The following EVL variants were observed in gnomAD, a reference collection of about 807,000 sequenced individuals.
The protein encoded by EVL is ena/VASP-like protein.
Under a neutral mutation model 59.6 loss-of-function variants are expected in EVL, and 21 were observed. The ratio of observed to expected loss-of-function variants is 0.35; its 90% CI spans 0.25 to 0.51. The LOEUF is 0.51. Among genes scored for constraint, EVL ranks in the 20% least tolerant of loss-of-function variants. The probability of loss-of-function intolerance (pLI) is 0.97; values close to 1 mark genes in which losing one functional copy is unlikely to be tolerated. For synonymous variants in EVL, 198 were observed against 203.5 expected (o/e 0.97, Z 0.23); for missense variants, 462 against 546.6 (o/e 0.85, Z 1.54).
chr14:100,051,214 C>T (rs910586899), intron 1 of EVL, among the ~76,000 whole-genome samples: 3 of 152,106 alleles, frequency 2.0e-5, no homozygotes, highest in Admixed American at 2.0e-4. Flanking sequence ...CATGATGAAA[C>T]CTTGCACTGT....
At chr14:100,137,978 C>T (rs533871973) in intron 11 of EVL, 176 bp downstream of exon 11, 12 of 637,098 alleles carry the variant, frequency 1.9e-5, no homozygotes, top group African/African-American at 5.5e-5. Context: ...TCAGCTGCTC[C>T]GTCTTTTCCC....
At chr14:100,076,772 C>T (rs2062171529) in intron 1 of EVL, among the ~76,000 whole-genome samples, 1 of 152,084 alleles carries the variant, frequency 6.6e-6, no homozygotes, top group South Asian at 2.1e-4. Flanking sequence ...TGCATTTCCA[C>T]AAGACTAAGC....
chr14:100,056,941 G>A (rs963489908), intron 1 of EVL, among the ~76,000 whole-genome samples: 1 of 152,164 alleles, frequency 6.6e-6, no homozygotes, highest in Non-Finnish European at 1.5e-5. Flanking sequence ...CTTCCTAAAG[G>A]GTAATGCTCT....
At chr14:100,011,463 T>C (rs1342674203) in intron 1 of EVL, among the ~76,000 whole-genome samples, 1 of 152,244 alleles carries the variant, frequency 6.6e-6, no homozygotes, top group Non-Finnish European at 1.5e-5. Context: ...AAATGAAACA[T>C]TAACCAGTTT....
chr14:100,011,293 G>A (rs1349007583), intron 1 of EVL, among the ~76,000 whole-genome samples: 2 of 152,134 alleles, frequency 1.3e-5, no homozygotes, highest in Non-Finnish European at 2.9e-5. Flanking sequence ...CCTGGAGAAG[G>A]TAATTATTTG....
chr14:100,094,242 G>A (rs922104689), intron 2 of EVL, among the ~76,000 whole-genome samples: 13 of 152,264 alleles, frequency 8.5e-5, no homozygotes, highest in Admixed American at 3.3e-4. Context: ...TAAAAAGAGC[G>A]GATTGAGTTA....
rs2062399184 is a variant in EVL, at chr14:100,084,702, C to T, written c.27C>T (p.Cys9=). 1 of 1,614,082 alleles carries T rather than the reference C, an allele frequency of 6.2e-7. No individual in the cohort carries two copies. Residue 9 remains cysteine (C), a synonymous_variant, in exon 2 of 14, where the codon TGC becomes TGT. Transcript: ENST00000392920. The part of the protein sequence containing the change: MATSEQSI[C]QARASVMVYD... ...TGCTCGGCAGTGAACAGAGTATCTG[C>T]CAAGCCCGGGCTTCCGTGATGGTCT...
At chr14:99,982,346 A>G (rs1405006027) in intron 1 of EVL, among the ~76,000 whole-genome samples, 1 of 152,240 alleles carries the variant, frequency 6.6e-6, no homozygotes, top group African/African-American at 2.4e-5. Context: ...ATGGTATACT[A>G]TAATTTATTC....
At chr14:100,094,496 C>T (rs1885665409) in intron 2 of EVL, among the ~76,000 whole-genome samples, 1 of 152,106 alleles carries the variant, frequency 6.6e-6, no homozygotes, top group Admixed American at 6.6e-5. Context: ...AATCCCAGCA[C>T]TTTGGGAGGC....
intron 1 of EVL, among the ~76,000 whole-genome samples, chr14:100,057,022 G>C (rs910770745): frequency 6.6e-6 from 1 of 152,132 alleles, no homozygotes; most frequent in Non-Finnish European, 1.5e-5. Flanking sequence ...TCTCTATCCT[G>C]GGGGCTCAGT....
In EVL at chr14:100,143,736, T is replaced by C; in HGVS notation, c.1255T>C (p.Ter419GlnextTer41). The part of the protein sequence containing the change: ...RQELSGISTT[*>Q] ...GGAGCTGAGTGGGATCAGCACCACG[T>C]AAGGGGCCGGCCTCGCTGCGCTGAT... The change falls in exon 14 of 14, where the codon TAA becomes CAA. Residue 419 changes from the stop codon to glutamine (Q), a stop_lost. Coordinates refer to ENST00000392920, the MANE Select transcript of EVL (RefSeq NM_016337.3). The C allele has an allele frequency of 1.2e-6, 2 of 1,612,372 alleles. No homozygotes were observed. Among genetic ancestry groups the C allele is most frequent in the Non-Finnish European group, 1.7e-6 (2 of 1,179,858 alleles).
chr14:100,045,480 G>A (rs925798198), intron 1 of EVL, among the ~76,000 whole-genome samples: 1 of 152,178 alleles, frequency 6.6e-6, no homozygotes, highest in Non-Finnish European at 1.5e-5. Context: ...TGTTTGTTAG[G>A]TGAAGAACTC....
At chr14:100,069,089 G>A (rs889064770) in intron 1 of EVL, among the ~76,000 whole-genome samples, 6 of 152,212 alleles carry the variant, frequency 3.9e-5, no homozygotes, top group Admixed American at 6.5e-5. Flanking sequence ...AGGGATTTTC[G>A]CCTATTTTGT....
At chr14:100,097,763 G>A (rs1885921043) in intron 3 of EVL, 105 bp downstream of exon 3, 2 of 1,085,236 alleles carry the variant, frequency 1.8e-6, no homozygotes, top group East Asian at 5.0e-5. Flanking sequence ...TCACTGCATT[G>A]AGCTGAGGTT....
chr14:100,053,499 A>G (rs2061679003), intron 1 of EVL, among the ~76,000 whole-genome samples: 1 of 152,068 alleles, frequency 6.6e-6, no homozygotes, highest in South Asian at 2.1e-4. Flanking sequence ...TCATAGAGTA[A>G]CACCCTATAC....
chr14:100,071,793 A>C (rs2062053434), intron 1 of EVL, among the ~76,000 whole-genome samples: 1 of 152,172 alleles, frequency 6.6e-6, no homozygotes, highest in Non-Finnish European at 1.5e-5. Context: ...TGCAGGCGTC[A>C]CTTGAACTAA....
At chr14:99,994,532 G>T (rs2060899618) in intron 1 of EVL, among the ~76,000 whole-genome samples, 1 of 150,634 alleles carries the variant, frequency 6.6e-6, no homozygotes, top group Non-Finnish European at 1.5e-5. Context: ...CCTTTCTGTT[G>T]CGTTAAAAAC....
At chr14:100,070,083 A>C (rs1019334210) in intron 1 of EVL, among the ~76,000 whole-genome samples, 8 of 151,620 alleles carry the variant, frequency 5.3e-5, no homozygotes, top group Admixed American at 2.0e-4. Context: ...AAAAAAAGAA[A>C]GAAAGAAAAT....
chr14:99,999,118 A>C (rs1262628410), intron 1 of EVL, among the ~76,000 whole-genome samples: 1 of 152,088 alleles, frequency 6.6e-6, no homozygotes, highest in Non-Finnish European at 1.5e-5. Context: ...CAGTTAGTGA[A>C]GGGCTATATT....
Sources: gnomAD v4.1 joint callset for allele counts (sites outside exome capture counted in the v4.1 genomes callset) on GRCh38, gnomAD v4.1.1 for gene constraint, MANE v1.5 for transcripts, NCBI Gene and HGNC (gene_info 2026-07-23, HGNC 2026-07-21) for gene names.